The following SLCO2A1 variants were observed in gnomAD, a reference collection of about 807,000 sequenced individuals.
SLCO2A1 encodes the protein solute carrier organic anion transporter family member 2A1, also known as matrin F/G 1.
Under a neutral mutation model 71.7 loss-of-function variants are expected in SLCO2A1, and 60 were observed. That is an observed-to-expected ratio of 0.84 (90% CI 0.68 to 1.04). The LOEUF (loss-of-function observed/expected upper bound fraction) is 1.04, where lower values mean the gene tolerates loss of function less well. SLCO2A1 is among the 50% of genes least tolerant of loss of function. The pLI is 0.00. For missense variants in SLCO2A1, 745 were observed against 813.4 expected, an observed-to-expected ratio of 0.92 and a Z score of 1.02; for synonymous variants, 308 against 326.7, an observed-to-expected ratio of 0.94 and a Z score of 0.62.
At chr3:133,957,495 G>A (rs901734171) in intron 3 of SLCO2A1, among the ~76,000 whole-genome samples, 4 of 152,190 alleles carry the variant, frequency 2.6e-5, no homozygotes, top group Non-Finnish European at 4.4e-5. Context: ...GAACCTGCAT[G>A]TGTCTGACTC....
chr3:133,981,148 T>C (rs1348198541), intron 1 of SLCO2A1, among the ~76,000 whole-genome samples: 1 of 152,230 alleles, frequency 6.6e-6, no homozygotes, highest in Non-Finnish European at 1.5e-5. Flanking sequence ...GGGGCTTAGA[T>C]GCTAGTCACC....
chr3:133,993,313 T>C (rs1007269727), intron 1 of SLCO2A1, among the ~76,000 whole-genome samples: 7 of 152,252 alleles, frequency 4.6e-5, no homozygotes, highest in Admixed American at 2.0e-4. Context: ...TTGTTTTGTG[T>C]TGTGTTTCTT....
chr3:133,958,399 C>T (rs531645268), intron 3 of SLCO2A1, among the ~76,000 whole-genome samples: 2 of 152,300 alleles, frequency 1.3e-5, no homozygotes, highest in South Asian at 4.1e-4. Flanking sequence ...TGGTCACTCC[C>T]CCAGTGCAGC....
intron 11 of SLCO2A1, among the ~76,000 whole-genome samples, chr3:133,939,122 G>A (rs1933349182): frequency 6.6e-6 from 1 of 152,238 alleles, no homozygotes; most frequent in Non-Finnish European, 1.5e-5. Context: ...CTCTGCTGCA[G>A]CTGTCTGGAA....
At chr3:134,004,113 TG>T (rs1935155868) in intron 1 of SLCO2A1, among the ~76,000 whole-genome samples, 1 of 148,210 alleles carries the variant, frequency 6.7e-6, no homozygotes, top group Non-Finnish European at 1.5e-5. Flanking sequence ...TGTGTGTGTG[TG>T]TGTGTGTGTG....
intron 1 of SLCO2A1, among the ~76,000 whole-genome samples, chr3:133,984,041 G>A (rs966242394): frequency 7.2e-5 from 11 of 152,222 alleles, no homozygotes; most frequent in African/African-American, 2.7e-4. Flanking sequence ...TGAGAGTTCA[G>A]TTATGGAGCA....
rs1933846248 is a variant in SLCO2A1 at position 133,955,012 on chromosome 3, G to A, written c.579C>T (p.Ser193=). 6.2e-7 allele frequency: 1 copy of A among 1,614,172 alleles called. No homozygotes were observed. The highest frequency in any genetic ancestry group is 1.3e-5 in the African/African-American group (1 of 75,050). The change falls in exon 4 of 14, where the codon TCC becomes TCT. Residue 193 remains serine, a synonymous_variant. Transcript: ENST00000310926. The stretch of plus-strand genomic sequence containing the variant: ...TGGGCTCTGAGAAGTCATCCACATA[G>A]GAGATCCCAAATGGCTGAATAGGCA... ...GTVPIQPFGI[S]YVDDFSEPSN... is the part of the protein sequence containing the mutation.
At chr3:133,964,163 G>T (rs1390636969) in intron 3 of SLCO2A1, among the ~76,000 whole-genome samples, 1 of 152,168 alleles carries the variant, frequency 6.6e-6, no homozygotes, top group African/African-American at 2.4e-5. Flanking sequence ...AGTTGACGTT[G>T]ACAGTCTGGG....
chr3:133,979,206 T>A (rs766818422), intron 2 of SLCO2A1, among the ~76,000 whole-genome samples: 1 of 152,216 alleles, frequency 6.6e-6, no homozygotes, highest in Non-Finnish European at 1.5e-5. Flanking sequence ...GAAGTGGGCA[T>A]GAACATAGTA....
rs1354319091 is a variant in SLCO2A1 at position 133,955,255 on chromosome 3, C to T, written c.398-62G>A. On this transcript the variant is annotated intron_variant, in intron 3 of 13. Coordinates refer to ENST00000310926, the MANE Select transcript of SLCO2A1 (RefSeq NM_005630.3). ...GTCTCCTGGTTCCACCGGCTGGCCT[C>T]CAAACCCGGCCTTTCTCCCAGGCCC... 8 of 1,443,754 alleles carry T rather than the reference C, an allele frequency of 5.5e-6. No homozygotes were observed. The African/African-American group carries it at 8.5e-5, about 15-fold the overall frequency. 89.4% of individuals were successfully genotyped at this position (1,443,754 alleles called of 1,614,324 possible).
chr3:133,957,802 A>G (rs1460188138), intron 3 of SLCO2A1, among the ~76,000 whole-genome samples: 1 of 152,222 alleles, frequency 6.6e-6, no homozygotes, highest in Non-Finnish European at 1.5e-5. Context: ...ATCCCTATGT[A>G]TTCTTGAGCA....
chr3:134,006,169 A>G (rs1311476250), intron 1 of SLCO2A1, among the ~76,000 whole-genome samples: 1 of 151,770 alleles, frequency 6.6e-6, no homozygotes, highest in African/African-American at 2.4e-5. Context: ...CAATCCTCCC[A>G]CCTCAGCTGG....
At chr3:134,006,418 A>G (rs1935216142) in intron 1 of SLCO2A1, among the ~76,000 whole-genome samples, 1 of 152,122 alleles carries the variant, frequency 6.6e-6, no homozygotes, top group African/African-American at 2.4e-5. Flanking sequence ...ATCCATCTCT[A>G]GAACTCTTTT....
At position 134,028,335 on chromosome 3, in the gene SLCO2A1, C is replaced by G. The variant is rs115006621; in HGVS notation, c.96+1372G>C. 6.2e-3 allele frequency among the ~76,000 whole-genome samples: 943 copies of G among 152,276 alleles called. 6 individuals carry two copies. Among genetic ancestry groups the G allele is most frequent in the Non-Finnish European group, 9.0e-3 (612 of 68,028 alleles). ...TATAAATACCAAAGGTTCCAAAATT[C>G]CTGATGAAATTTCTCCAAAATGGTG... On this transcript the variant is annotated intron_variant, in intron 1 of 13. Transcript: ENST00000310926.
intron 1 of SLCO2A1, among the ~76,000 whole-genome samples, chr3:134,004,328 GT>G (rs1024437412): frequency 2.6e-5 from 4 of 151,978 alleles, no homozygotes; most frequent in African/African-American, 4.8e-5. Context: ...AATCACAAGA[GT>G]TTTTTTTGTT....
In SLCO2A1 at chr3:133,973,717, G is replaced by A; in HGVS notation, c.343C>T (p.Leu115Phe). 1.2e-6 allele frequency: 2 copies of A among 1,614,106 alleles called. No homozygotes were observed. Among genetic ancestry groups the A allele is most frequent in the Non-Finnish European group, 1.7e-6 (2 of 1,180,036 alleles). ...GLFLAAGAFI[L>F]TLPHFLSEPY... ...TCGGAGAGGAAGTGTGGGAGGGTGA[G>A]GATGAAGGCACCTGCAGCCAGGAAG... The change falls in exon 3 of 14, where the codon CTC (leucine) becomes TTC (phenylalanine). Residue 115 changes from leucine (L) to phenylalanine (F), a missense_variant. Physicochemically the swap from Leu to Phe is conservative, Grantham distance 22 (BLOSUM62 0). Transcript: ENST00000310926.
intron 5 of SLCO2A1, among the ~76,000 whole-genome samples, chr3:133,952,163 C>T (rs1933761059): frequency 6.6e-6 from 1 of 152,190 alleles, no homozygotes; most frequent in African/African-American, 2.4e-5. Flanking sequence ...CTTTGGGCAA[C>T]CAAGAGCCAG....
intron 11 of SLCO2A1, among the ~76,000 whole-genome samples, chr3:133,940,542 C>T (rs4241359): frequency 6.6e-6 from 1 of 152,030 alleles, no homozygotes; most frequent in South Asian, 2.1e-4. Context: ...TGCTGCATAG[C>T]GACTTGCCAG....
intron 1 of SLCO2A1, among the ~76,000 whole-genome samples, chr3:134,019,700 G>A (rs1202000748): frequency 6.6e-6 from 1 of 152,128 alleles, no homozygotes; most frequent in Non-Finnish European, 1.5e-5. Flanking sequence ...CATCCCATTA[G>A]CAGGTGGCTG....
Sources: allele counts gnomAD v4.1 joint callset (sites outside exome capture counted in the v4.1 genomes callset), GRCh38; gene constraint gnomAD v4.1.1; transcripts MANE v1.5; gene names NCBI Gene and HGNC (gene_info 2026-07-23, HGNC 2026-07-21).